SLC7A6: variants seen among roughly 807,000 people sequenced by gnomAD.
The protein encoded by SLC7A6 is solute carrier family 7 member 6, also known as Y+L amino acid transporter 2.
In SLC7A6, 29 loss-of-function variants were observed where a neutral mutation model predicts 46.6. That is an observed-to-expected ratio of 0.62 (90% confidence interval 0.46 to 0.85). The LOEUF (loss-of-function observed/expected upper bound fraction) is 0.85. Ranked by LOEUF, SLC7A6 falls within the 40% of genes least tolerant of loss-of-function variation. The pLI, the probability that SLC7A6 is intolerant of heterozygous loss-of-function variation, is 0.00. For missense variants in SLC7A6, 527 were observed against 647.6 expected (o/e 0.81, Z 2.02); for synonymous variants, 276 against 257.3 (o/e 1.07, Z -0.70).
intron 3 of SLC7A6, among the ~76,000 whole-genome samples, chr16:68,281,021 C>T (rs1383179240): frequency 3.9e-5 from 6 of 152,200 alleles, no homozygotes; most frequent in African/African-American, 7.2e-5. Flanking sequence ...GCGTGACCCA[C>T]GGCGCCCAGC....
Position 68,300,497 on chromosome 16 carries a change from TG to T in SLC7A6, c.*3170del, listed in dbSNP as rs1254302276. 1 of 504,292 alleles carries T rather than the reference TG, an allele frequency of 2.0e-6. No homozygotes were observed. The highest frequency in any genetic ancestry group is 2.6e-6 in the Non-Finnish European group (1 of 390,538). 31.2% of individuals were successfully genotyped at this position (504,292 alleles called of 1,614,324 possible). ...GGAAAGCTAAGTTCAGAAGGTACTT[TG>T]TTTTTCCTCCCTTGCCTTAAGTCCT... On this transcript the variant is annotated 3_prime_UTR_variant, in exon 11 of 11. Coordinates refer to ENST00000219343, the MANE Select transcript of SLC7A6 (RefSeq NM_003983.6).
At position 68,301,477 on chromosome 16, in the gene SLC7A6, CAGAA is replaced by C. The variant is rs2043274591; in HGVS notation, c.*4152_*4155del. The C allele has an allele frequency of 1.4e-6, 2 of 1,397,108 alleles. No individual in the cohort carries two copies. Among genetic ancestry groups the C allele is most frequent in the Admixed American group, 1.9e-5 (1 of 51,404 alleles). The allele number at this position is 1,397,108 out of a possible 1,614,324, so 86.5% of individuals were successfully genotyped here. A position where few individuals can be genotyped will look rare whatever the true frequency, so the allele number is the denominator to read the frequency against. Reference sequence around the variant, plus strand: ...CTACTGCAGGAGCCCCTTCTCTTCTCAGAAAGGTCTGTTTTTGTTCCCGATTGTA... The same window carrying C: ...CTACTGCAGGAGCCCCTTCTCTTCTCAGGTCTGTTTTTGTTCCCGATTGTA... On this transcript the variant is annotated 3_prime_UTR_variant, in exon 11 of 11. Transcript: ENST00000219343.
chr16:68,285,999 G>A (rs1164668315), intron 3 of SLC7A6, among the ~76,000 whole-genome samples: 1 of 150,498 alleles, frequency 6.6e-6, no homozygotes, highest in African/African-American at 2.5e-5. Context: ...AGGAGGTTGA[G>A]GTGGGAAGAT....
chr16:68,273,876 TGCCTCA>T (rs1325695223), intron 2 of SLC7A6: 1 of 152,130 alleles, frequency 6.6e-6, no homozygotes, highest in Non-Finnish European at 1.5e-5. Flanking sequence ...GCGATTCTCC[TGCCTCA>T]GCCTCCTGAG....
At chr16:68,266,189 G>A (rs2042530503) in intron 1 of SLC7A6, among the ~76,000 whole-genome samples, 1 of 152,260 alleles carries the variant, frequency 6.6e-6, no homozygotes, top group East Asian at 1.9e-4. Context: ...GAACCCGGGA[G>A]GCGGAGGTTG....
chr16:68,270,858 T>G (rs1434455014), intron 2 of SLC7A6, among the ~76,000 whole-genome samples: 2 of 107,400 alleles, frequency 1.9e-5, no homozygotes, highest in Non-Finnish European at 3.6e-5. Context: ...CATTTTATAT[T>G]GGATTTTTTT....
At position 68,297,745 on chromosome 16, in the gene SLC7A6, C is replaced by T. The variant is rs2043199679; in HGVS notation, c.*417C>T. On this transcript the variant is annotated 3_prime_UTR_variant, in exon 11 of 11. Transcript: ENST00000219343. Reference sequence around the variant, plus strand: ...AGTTTTTCTCTGACCAGGTACAACACCTGACTTTAAAGGCCTGAAATGCTA... The same window carrying T: ...AGTTTTTCTCTGACCAGGTACAACATCTGACTTTAAAGGCCTGAAATGCTA... 6.4e-6 allele frequency: 1 copy of T among 155,696 alleles called. No individual in the cohort carries two copies. The highest frequency in any genetic ancestry group is 2.0e-4 in the South Asian group (1 of 4,958). 9.6% of individuals were successfully genotyped at this position (155,696 alleles called of 1,614,324 possible).
chr16:68,280,969 G>A (rs542271632), intron 3 of SLC7A6, among the ~76,000 whole-genome samples: 2 of 152,174 alleles, frequency 1.3e-5, no homozygotes, highest in African/African-American at 2.4e-5. Flanking sequence ...TCCTGACCTC[G>A]TGATCCGCCC....
Position 68,301,123 on chromosome 16 carries a change from C to T in SLC7A6, c.*3795C>T. The T allele has an allele frequency of 7.3e-7, 1 of 1,375,284 alleles. No homozygotes were observed. Among genetic ancestry groups the T allele is most frequent in the East Asian group, 2.6e-5 (1 of 38,136 alleles). 85.2% of individuals were successfully genotyped at this position (1,375,284 alleles called of 1,614,324 possible). A position where few individuals can be genotyped will look rare whatever the true frequency, so the allele number is the denominator to read the frequency against. On this transcript the variant is annotated 3_prime_UTR_variant, in exon 11 of 11. Transcript: ENST00000219343. ...CTCACTCCCCTAACATAAGTTTTCACTGTGGTGGGATGGTGCCGCCCGATA... is the reference window on the plus strand; with the variant it reads ...CTCACTCCCCTAACATAAGTTTTCATTGTGGTGGGATGGTGCCGCCCGATA...
rs150974847 is a variant in SLC7A6 at position 68,276,863 on chromosome 16, T to C, written c.523+1614T>C. 4.8e-3 allele frequency among the ~76,000 whole-genome samples: 730 copies of C among 151,850 alleles called. 6 individuals are homozygous for C. Among genetic ancestry groups the C allele is most frequent in the Non-Finnish European group, 8.1e-3 (548 of 67,918 alleles). The stretch of plus-strand genomic sequence containing the variant: ...AAATCAAATTAGCTGGGCATGTTGG[T>C]GTGTGCCTGTGGTCCCAGCAATTCA... On this transcript the variant is annotated intron_variant, in intron 3 of 10. Coordinates refer to ENST00000219343, the MANE Select transcript of SLC7A6 (RefSeq NM_003983.6).
rs540372134 is a variant in SLC7A6 at position 68,266,731 on chromosome 16, G to C, written c.-37+10G>C. ...GCGTATTTCTTGACAGGTGAATATT[G>C]TTGCGCTGTCTTTTCTTTTGTTTGT... is the stretch of plus-strand genomic sequence containing the variant. On this transcript the variant is annotated intron_variant, in intron 2 of 10. Coordinates refer to ENST00000219343, the MANE Select transcript of SLC7A6 (RefSeq NM_003983.6). 38 of 152,072 alleles carry C rather than the reference G, an allele frequency of 2.5e-4. No individual in the cohort carries two copies. The highest frequency in any genetic ancestry group is 9.2e-4 in the African/African-American group (38 of 41,496). The allele number at this position is 152,072 out of a possible 1,614,324, so 9.4% of individuals were successfully genotyped here.
rs755022161 is a variant in SLC7A6 at position 68,296,532 on chromosome 16, A to G, written c.1269+19A>G. The G allele has an allele frequency of 6.2e-7, 1 of 1,614,124 alleles. No homozygotes were observed. The highest frequency in any genetic ancestry group is 8.5e-7 in the Non-Finnish European group (1 of 1,180,010). On this transcript the variant is annotated intron_variant, in intron 9 of 10. Transcript: ENST00000219343. ...TCTCAAGGTCAGCAGCTCTGGCCAG[A>G]CTAGGAGGGGTGGGCCATCTCCCTA...
intron 2 of SLC7A6, among the ~76,000 whole-genome samples, chr16:68,267,206 ATTTTTTTTTTTTTT>A (rs1189220005): frequency 2.3e-5 from 2 of 87,668 alleles, no homozygotes; most frequent in African/African-American, 4.6e-5. Context: ...ATTGTGGTGG[ATTTTTTTTTTTTTT>A]TTTTTTTTTT....
intron 3 of SLC7A6, among the ~76,000 whole-genome samples, chr16:68,276,473 T>A (rs900845628): frequency 1.3e-5 from 2 of 152,146 alleles, no homozygotes; most frequent in Non-Finnish European, 1.5e-5. Flanking sequence ...GAGAGTACCT[T>A]GGAGTTAGCA....
intron 1 of SLC7A6, 129 bp from the exon 2 acceptor site, chr16:68,266,464 C>G (rs1410428457): frequency 6.6e-6 from 1 of 152,090 alleles, no homozygotes; most frequent in Non-Finnish European, 1.5e-5. Context: ...TTAGATTTTA[C>G]AAGGAAATAT....
rs746009790 is a variant in SLC7A6, at chr16:68,297,274, CCTGA to C, written c.1499_1502del (p.Thr500SerfsTer4). The stretch of plus-strand genomic sequence containing the variant: ...GCACCCAGCAGCTTTGCTTTTGTGT[CCTGA>C]CTGAGCTTGATGTAGCCGAAGAAAA... On this transcript the variant is annotated frameshift_variant, in exon 11 of 11. Transcript: ENST00000219343. LOFTEE classifies it high-confidence loss of function. The C allele has an allele frequency of 6.2e-7, 1 of 1,614,104 alleles. No homozygotes were observed. The highest frequency in any genetic ancestry group is 8.5e-7 in the Non-Finnish European group (1 of 1,180,000).
At position 68,282,008 on chromosome 16, in the gene SLC7A6, G is replaced by A. The variant is rs2042836999; in HGVS notation, c.524-5738G>A. Among the ~76,000 whole-genome samples, 3 of 152,198 alleles carry A rather than the reference G, an allele frequency of 2.0e-5. No homozygotes were observed. The South Asian group carries it at 6.2e-4, about 31-fold the overall frequency. Reference sequence around the variant, plus strand: ...GAGGGAGACTGGGAAGGATGAGACTGGAGGGAAGAAGAAACACTGTATGAT... The same window carrying A: ...GAGGGAGACTGGGAAGGATGAGACTAGAGGGAAGAAGAAACACTGTATGAT... On this transcript the variant is annotated intron_variant, in intron 3 of 10. Coordinates refer to ENST00000219343, the MANE Select transcript of SLC7A6 (RefSeq NM_003983.6).
At chr16:68,269,907 A>T (rs558181773) in intron 2 of SLC7A6, among the ~76,000 whole-genome samples, 49 of 152,266 alleles carry the variant, frequency 3.2e-4, no homozygotes, top group Non-Finnish European at 5.4e-4. Context: ...AGCTGGGGCT[A>T]TAGGCGTGTG....
intron 2 of SLC7A6, among the ~76,000 whole-genome samples, chr16:68,269,118 T>C (rs1254858331): frequency 6.6e-6 from 1 of 152,260 alleles, no homozygotes; most frequent in Admixed American, 6.5e-5. Flanking sequence ...TTGACCCTTT[T>C]GGTTTTCATC....
Sources: gnomAD v4.1 joint callset for allele counts (sites outside exome capture counted in the v4.1 genomes callset) on GRCh38, gnomAD v4.1.1 for gene constraint, MANE v1.5 for transcripts, NCBI Gene and HGNC (gene_info 2026-07-23, HGNC 2026-07-21) for gene names.